Variants in COBL observed in about 807,000 individuals in gnomAD.
COBL encodes the protein protein cordon-bleu.
Under a neutral mutation model 98.8 loss-of-function variants are expected in COBL, and 51 were observed. The ratio of observed to expected loss-of-function variants is 0.52; its 90% CI spans 0.41 to 0.65. COBL has a LOEUF of 0.65. COBL is among the 30% of genes least tolerant of loss of function. The pLI, the probability that COBL is intolerant of heterozygous loss-of-function variation, is 0.00. For synonymous variants in COBL, 634 were observed against 651.7 expected, an observed-to-expected ratio of 0.97 and a Z score of 0.41; for missense variants, 1,617 against 1,617.5, an observed-to-expected ratio of 1.00 and a Z score of 0.01.
intron 6 of COBL, among the ~76,000 whole-genome samples, chr7:51,092,790 G>T (rs990743507): frequency 1.3e-5 from 2 of 152,020 alleles, no homozygotes; most frequent in South Asian, 4.2e-4. Context: ...TTTAAGAATT[G>T]TTTTTTTCTA....
rs113007751 is a variant in COBL at position 51,168,435 on chromosome 7, CAA to C, written c.783+15665_783+15666del. On this transcript the variant is annotated intron_variant, in intron 5 of 12. Coordinates refer to ENST00000265136, the MANE Select transcript of COBL (RefSeq NM_015198.5). ...CCAGTGACAGAGCGAGACTCCGTTT[CAA>C]AAAAAAAAAATGGGCAAAAGATTTA... Among the ~76,000 whole-genome samples, 408 of 132,416 alleles carry C rather than the reference CAA, an allele frequency of 3.1e-3. 4 individuals are homozygous for C. The highest frequency in any genetic ancestry group is 0.011 in the African/African-American group (390 of 36,764). 86.9% of individuals were successfully genotyped at this position (132,416 alleles called of 152,430 possible).
chr7:51,215,190 A>G (rs1054766261), intron 2 of COBL, among the ~76,000 whole-genome samples: 1 of 152,226 alleles, frequency 6.6e-6, no homozygotes, highest in Non-Finnish European at 1.5e-5. Flanking sequence ...AAACACCAAC[A>G]GCACCTTCTG....
intron 7 of COBL, among the ~76,000 whole-genome samples, chr7:51,060,390 G>A (rs972931396): frequency 5.3e-5 from 8 of 152,124 alleles, no homozygotes; most frequent in African/African-American, 1.4e-4. Context: ...CAAGGAACTC[G>A]CTTCCCAGCC....
intron 12 of COBL, among the ~76,000 whole-genome samples, chr7:51,024,663 GAAT>G (rs1489447783): frequency 2.1e-4 from 4 of 19,382 alleles, no homozygotes; most frequent in African/African-American, 2.4e-4. Context: ...GTGAATGAAT[GAAT>G]GAATGAATGA....
At position 51,146,657 on chromosome 7, in the gene COBL, C is replaced by T. The variant is rs992383567; in HGVS notation, c.784-10326G>A. 8.3e-4 allele frequency among the ~76,000 whole-genome samples: 37 copies of T among 44,778 alleles called. No individual in the cohort carries two copies. In the East Asian group the frequency reaches 9.2e-3, roughly 11 times the overall value. 29.4% of individuals were successfully genotyped at this position (44,778 alleles called of 152,430 possible). A position where few individuals can be genotyped will look rare whatever the true frequency, so the allele number is the denominator to read the frequency against. On this transcript the variant is annotated intron_variant, in intron 5 of 12. Transcript: ENST00000265136. The stretch of plus-strand genomic sequence containing the variant: ...AGCTGCTAGTGCAGGAATGTGGGGG[C>T]GGGGGGAGGGGGGCAATAGCCCAGA...
At chr7:51,190,809 T>G in intron 4 of COBL, 41 bp downstream of exon 4, 1 of 1,540,232 alleles carries the variant, frequency 6.5e-7, no homozygotes, top group South Asian at 1.1e-5. Flanking sequence ...CGCGCATCCG[T>G]GTGATTATGG....
At chr7:51,309,951 A>G (rs1446769651) in intron 1 of COBL, among the ~76,000 whole-genome samples, 1 of 152,180 alleles carries the variant, frequency 6.6e-6, no homozygotes, top group Non-Finnish European at 1.5e-5. Context: ...TGCAGCTTAA[A>G]CAACAGGCAT....
chr7:51,105,695 G>A (rs545779562), intron 6 of COBL, among the ~76,000 whole-genome samples: 2 of 152,216 alleles, frequency 1.3e-5, no homozygotes, highest in South Asian at 4.1e-4. Context: ...AGGCTGCAGT[G>A]AGCTGTGATC....
chr7:51,136,407 C>G lies in COBL; in HGVS notation c.784-76G>C, dbSNP rs953128730. ...CCCCGTATGAATGCTCACATGAAGACAAAGTTCCAATCCGTCCACCTGAGC... is the reference window on the plus strand; with the variant it reads ...CCCCGTATGAATGCTCACATGAAGAGAAAGTTCCAATCCGTCCACCTGAGC... On this transcript the variant is annotated intron_variant, in intron 5 of 12. Transcript: ENST00000265136. 41 of 1,444,528 alleles carry G rather than the reference C, an allele frequency of 2.8e-5. No homozygotes were observed. The East Asian group carries it at 9.7e-4, about 34-fold the overall frequency. The allele number at this position is 1,444,528 out of a possible 1,614,324, so 89.5% of individuals were successfully genotyped here. A position where few individuals can be genotyped will look rare whatever the true frequency, so the allele number is the denominator to read the frequency against.
At position 51,301,071 on chromosome 7, in the gene COBL, G is replaced by A. The variant is rs146714224; in HGVS notation, c.41+15522C>T. On this transcript the variant is annotated intron_variant, in intron 1 of 12. Transcript: ENST00000265136. ...TGGGAAGAGCACCCTCACCCCGCAC[G>A]CTGAGATGAGGAGTGAGTGCGGTGG... Among the ~76,000 whole-genome samples the A allele has an allele frequency of 6.1e-3, 926 of 152,172 alleles. 15 individuals carry two copies. The highest frequency in any genetic ancestry group is 0.021 in the African/African-American group (871 of 41,532).
At chr7:51,122,659 T>C (rs1797844334) in intron 6 of COBL, among the ~76,000 whole-genome samples, 1 of 152,234 alleles carries the variant, frequency 6.6e-6, no homozygotes, top group African/African-American at 2.4e-5. Context: ...AAATGGCAGA[T>C]ATGCTTTACA....
intron 1 of COBL, among the ~76,000 whole-genome samples, chr7:51,312,978 T>C (rs1803201094): frequency 6.6e-6 from 1 of 152,208 alleles, no homozygotes; most frequent in Non-Finnish European, 1.5e-5. Flanking sequence ...AATATTTTAA[T>C]TACAAAACAT....
intron 6 of COBL, among the ~76,000 whole-genome samples, chr7:51,108,457 G>A (rs187580697): frequency 4.6e-5 from 7 of 152,326 alleles, no homozygotes; most frequent in African/African-American, 1.7e-4. Context: ...ATGGCTTGGT[G>A]CAACTGTTGG....
intron 5 of COBL, among the ~76,000 whole-genome samples, chr7:51,139,617 C>T (rs946039511): frequency 1.3e-5 from 2 of 152,236 alleles, no homozygotes; most frequent in Non-Finnish European, 2.9e-5. Flanking sequence ...TTCTGCTACT[C>T]AACAGTGTTT....
chr7:51,248,376 C>T (rs1451981644), intron 1 of COBL, among the ~76,000 whole-genome samples: 2 of 152,066 alleles, frequency 1.3e-5, no homozygotes, highest in Non-Finnish European at 2.9e-5. Context: ...ATGTCCCGAC[C>T]ATGGGCTTTG....
At chr7:51,110,080 A>C (rs1456127421) in intron 6 of COBL, among the ~76,000 whole-genome samples, 1 of 152,244 alleles carries the variant, frequency 6.6e-6, no homozygotes, top group African/African-American at 2.4e-5. Flanking sequence ...TAATTGGGAT[A>C]TCTTTAACCT....
At chr7:51,086,629 GGA>G (rs3047140) in intron 6 of COBL, among the ~76,000 whole-genome samples, 70,172 of 149,628 alleles carry the variant, frequency 0.47, 16,483 homozygotes, top group African/African-American at 0.53. Flanking sequence ...ACAATGAGAG[GGA>G]GAGAGAGAGA....
chr7:51,274,744 C>T (rs572656126), intron 1 of COBL, among the ~76,000 whole-genome samples: 1 of 152,278 alleles, frequency 6.6e-6, no homozygotes, highest in African/African-American at 2.4e-5. Context: ...TCAGGGATGC[C>T]ATGCCTTGTA....
At chr7:51,188,873 G>A in intron 4 of COBL, among the ~76,000 whole-genome samples, 1 of 152,164 alleles carries the variant, frequency 6.6e-6, no homozygotes, top group East Asian at 1.9e-4. Context: ...CAAGTGCCAG[G>A]TTCAACATCT....
Sources: gnomAD v4.1 joint callset for allele counts (sites outside exome capture counted in the v4.1 genomes callset) on GRCh38, gnomAD v4.1.1 for gene constraint, MANE v1.5 for transcripts, NCBI Gene and HGNC (gene_info 2026-07-23, HGNC 2026-07-21) for gene names.